The following PXK variants were observed in gnomAD, a reference collection of about 807,000 sequenced individuals.
PXK encodes PX domain-containing protein kinase-like protein.
A neutral mutation model predicts 84.7 loss-of-function variants in PXK; 35 were observed. The ratio of observed to expected loss-of-function variants is 0.41; its 90% CI spans 0.32 to 0.55. The LOEUF (loss-of-function observed/expected upper bound fraction) is 0.55, where lower values mean the gene tolerates loss of function less well. Ranked by LOEUF, PXK falls within the 20% of genes least tolerant of loss-of-function variation. The pLI is 0.21. For missense variants in PXK, 634 were observed against 699.7 expected, an observed-to-expected ratio of 0.91 and a Z score of 1.06; for synonymous variants, 253 against 260.8, an observed-to-expected ratio of 0.97 and a Z score of 0.29.
intron 1 of PXK, among the ~76,000 whole-genome samples, chr3:58,343,085 G>T (rs1296160564): frequency 6.6e-6 from 1 of 152,238 alleles, no homozygotes; most frequent in Non-Finnish European, 1.5e-5. Context: ...AGTGAATGGA[G>T]TGTTGGTATG....
intron 1 of PXK, among the ~76,000 whole-genome samples, chr3:58,334,575 A>G (rs566992281): frequency 2.4e-4 from 37 of 152,286 alleles, no homozygotes; most frequent in African/African-American, 8.9e-4. Flanking sequence ...ATGTTTCTAA[A>G]TACTCACAAA....
At chr3:58,384,045 A>C (rs577665620) in intron 4 of PXK, among the ~76,000 whole-genome samples, 1 of 152,338 alleles carries the variant, frequency 6.6e-6, no homozygotes, top group Admixed American at 6.5e-5. Context: ...TCTCATGCCC[A>C]GGCTGCGTGC....
intron 1 of PXK, among the ~76,000 whole-genome samples, chr3:58,339,355 G>A (rs2097687655): frequency 6.6e-6 from 1 of 151,162 alleles, no homozygotes; most frequent in Non-Finnish European, 1.5e-5. Context: ...CTTGCCTCTC[G>A]AGTAGCTGGT....
intron 17 of PXK, chr3:58,420,501 T>C: frequency 6.5e-7 from 1 of 1,534,956 alleles, no homozygotes; most frequent in Non-Finnish European, 8.7e-7. Flanking sequence ...ATGACTTGTG[T>C]CCCCCCTTTC....
In PXK at chr3:58,397,169, G is replaced by A. The variant is rs371339749; in HGVS notation, c.953G>A (p.Arg318Gln). Residue 318 changes from arginine to glutamine, a missense_variant, in exon 10 of 18, where the codon CGA becomes CAA. Physicochemically the swap from Arg to Gln is conservative, Grantham distance 43 (BLOSUM62 1). Transcript: ENST00000356151. The surrounding 1 kb of genome is among the most constrained non-coding windows in gnomAD (Gnocchi z 4.7). ...TTATTGGGCCTGCCTTCCTTCTACC[G>A]ATCTTATTTTTCACAATTCAGGAAA... The part of the protein sequence containing the change: ...NSLLGLPSFY[R>Q]SYFSQFRKIN... 6.2e-6 allele frequency: 10 copies of A among 1,613,906 alleles called. No individual in the cohort carries two copies. Among genetic ancestry groups the A allele is most frequent in the African/African-American group, 2.7e-5 (2 of 74,896 alleles).
chr3:58,376,366 G>A (rs2098442401), intron 3 of PXK, among the ~76,000 whole-genome samples: 1 of 152,098 alleles, frequency 6.6e-6, no homozygotes, highest in Admixed American at 6.6e-5. Context: ...AGTGAGCCAA[G>A]ATTGTGTCAT....
intron 2 of PXK, among the ~76,000 whole-genome samples, chr3:58,367,245 A>G (rs889826356): frequency 2.6e-5 from 4 of 151,562 alleles, no homozygotes; most frequent in African/African-American, 9.7e-5. Flanking sequence ...TTATTTAATA[A>G]AAGCTTTTTT....
intron 1 of PXK, among the ~76,000 whole-genome samples, chr3:58,348,586 ATAT>A (rs758638660): frequency 1.3e-4 from 20 of 152,300 alleles, no homozygotes; most frequent in Non-Finnish European, 2.9e-4. Context: ...TATATCCAAA[ATAT>A]TATAATTTCA....
intron 17 of PXK, among the ~76,000 whole-genome samples, chr3:58,424,536 A>G (rs1208532821): frequency 2.0e-5 from 3 of 152,206 alleles, no homozygotes; most frequent in Admixed American, 6.5e-5. Flanking sequence ...AGCCTTTAAC[A>G]TGACTATTGT....
rs905080604 is a variant in PXK, at chr3:58,400,339, G to A, written c.1181+962G>A. Among the ~76,000 whole-genome samples, 38 of 152,118 alleles carry A rather than the reference G, an allele frequency of 2.5e-4. No homozygotes were observed. The highest frequency in any genetic ancestry group is 8.9e-4 in the African/African-American group (37 of 41,428). ...TATCTGGTGCTTTGTCTGCACCAGC[G>A]TATTATATAACAGATATACTCTGAA... On this transcript the variant is annotated intron_variant, in intron 12 of 17. Coordinates refer to ENST00000356151, the MANE Select transcript of PXK (RefSeq NM_017771.5). The surrounding 1 kb of genome is among the most constrained non-coding windows in gnomAD (Gnocchi z 4.0).
rs962950279 is a variant in PXK at position 58,370,927 on chromosome 3, G to T, written c.201+1449G>T. On this transcript the variant is annotated intron_variant, in intron 3 of 17. Coordinates refer to ENST00000356151, the MANE Select transcript of PXK (RefSeq NM_017771.5). The surrounding 1 kb of genome is among the most constrained non-coding windows in gnomAD (Gnocchi z 4.2). ...GCAGGAGAACCGCCTGAACCCAGGA[G>T]GGGGAGGTTGCAGTGAGCCAAGAAT... 6.6e-6 allele frequency among the ~76,000 whole-genome samples: 1 copy of T among 152,230 alleles called. No individual in the cohort carries two copies. Among genetic ancestry groups the T allele is most frequent in the East Asian group, 1.9e-4 (1 of 5,198 alleles).
At chr3:58,391,086 GA>G in intron 5 of PXK, 60 bp from the exon 6 acceptor site, 1 of 1,240,120 alleles carries the variant, frequency 8.1e-7, no homozygotes. Flanking sequence ...CCTAGTCAGT[GA>G]AACATATCAG....
chr3:58,343,208 G>C (rs73835182), intron 1 of PXK, among the ~76,000 whole-genome samples: 7,003 of 152,294 alleles, frequency 0.046, 567 homozygotes, highest in African/African-American at 0.16. Flanking sequence ...CAGGTAACAA[G>C]TGATTCCTGG....
intron 17 of PXK, among the ~76,000 whole-genome samples, chr3:58,423,954 C>G (rs978378322): frequency 1.3e-5 from 2 of 152,174 alleles, no homozygotes; most frequent in Admixed American, 6.5e-5. Flanking sequence ...TACAGCACGA[C>G]ATTCTAGTTT....
In PXK at chr3:58,336,055, ATATATATATATATATATT is replaced by A. The variant is rs1355237298; in HGVS notation, c.102+2967_102+2984del. On this transcript the variant is annotated intron_variant, in intron 1 of 17. Coordinates refer to ENST00000356151, the MANE Select transcript of PXK (RefSeq NM_017771.5). ...TTGGGAAACATATATATATATATAT[ATATATATATATATATATT>A]TTTTTTTTTTTTTTTTAATACCAAT... Among the ~76,000 whole-genome samples, 8 of 58,460 alleles carry A rather than the reference ATATATATATATATATATT, an allele frequency of 1.4e-4. No individual in the cohort carries two copies. In the East Asian group the frequency reaches 1.4e-3, roughly 10 times the overall value. 38.4% of individuals were successfully genotyped at this position (58,460 alleles called of 152,430 possible). A position where few individuals can be genotyped will look rare whatever the true frequency, so the allele number is the denominator to read the frequency against.
At position 58,357,854 on chromosome 3, in the gene PXK, G is replaced by A. The variant is rs138259698; in HGVS notation, c.103-8020G>A. Among the ~76,000 whole-genome samples the A allele has an allele frequency of 2.6e-4, 40 of 152,212 alleles. No homozygotes were observed. The East Asian group carries it at 6.4e-3, about 24-fold the overall frequency. ...AATCCCAGCTACTTGGGAAGCTGAG[G>A]CAGGAGAATTATATGAACCCGGGAA... On this transcript the variant is annotated intron_variant, in intron 1 of 17. Coordinates refer to ENST00000356151, the MANE Select transcript of PXK (RefSeq NM_017771.5).
Position 58,336,061 on chromosome 3 carries a change from ATATATATATATTTTTTT to A in PXK, c.102+2973_102+2989del, listed in dbSNP as rs1309740453. ...AACATATATATATATATATATATAT[ATATATATATATTTTTTT>A]TTTTTTTTTTTAATACCAATGGGGT... On this transcript the variant is annotated intron_variant, in intron 1 of 17. Coordinates refer to ENST00000356151, the MANE Select transcript of PXK (RefSeq NM_017771.5). 2.1e-4 allele frequency among the ~76,000 whole-genome samples: 12 copies of A among 57,874 alleles called. 1 individual carries two copies. The highest frequency in any genetic ancestry group is 1.4e-3 in the Admixed American group (8 of 5,540). 38.0% of individuals were successfully genotyped at this position (57,874 alleles called of 152,430 possible).
At chr3:58,363,905 A>G (rs982981679) in intron 1 of PXK, among the ~76,000 whole-genome samples, 1 of 152,162 alleles carries the variant, frequency 6.6e-6, no homozygotes, top group Non-Finnish European at 1.5e-5. Flanking sequence ...AACTTAAGAA[A>G]GTGTCCTCTA....
chr3:58,367,860 T>G (rs554790010), intron 2 of PXK, among the ~76,000 whole-genome samples: 14 of 152,146 alleles, frequency 9.2e-5, no homozygotes, highest in Admixed American at 7.8e-4. Context: ...TTTTTGTGTG[T>G]TTTTTATAGA....
Sources: gnomAD v4.1 joint callset for allele counts (sites outside exome capture counted in the v4.1 genomes callset) on GRCh38, gnomAD v4.1.1 for gene constraint, Gnocchi (gnomAD v3.1) non-coding constraint, MANE v1.5 for transcripts, NCBI Gene and HGNC (gene_info 2026-07-23, HGNC 2026-07-21) for gene names.